The following TTC23 variants were observed in gnomAD, a reference collection of about 807,000 sequenced individuals.
TTC23 encodes tetratricopeptide repeat protein 23.
Under a neutral mutation model 55.1 loss-of-function variants are expected in TTC23, and 58 were observed. The ratio of observed to expected loss-of-function variants is 1.05; its 90% CI spans 0.85 to 1.31. The LOEUF (loss-of-function observed/expected upper bound fraction) is 1.31, where lower values mean the gene tolerates loss of function less well. Ranked by LOEUF, TTC23 falls within the 50% of genes most tolerant of loss-of-function variation. The pLI is 0.00. For synonymous variants in TTC23, 203 were observed against 199.9 expected, an observed-to-expected ratio of 1.02 and a Z score of -0.13; for missense variants, 516 against 534.4, an observed-to-expected ratio of 0.97 and a Z score of 0.34.
At chr15:99,185,975 G>A (rs1340156373) in intron 9 of TTC23, among the ~76,000 whole-genome samples, 3 of 152,186 alleles carry the variant, frequency 2.0e-5, no homozygotes, top group South Asian at 2.1e-4. Context: ...AAGGAATGAA[G>A]GGTGAAAAAC....
At chr15:99,237,185 T>C (rs559473772) in intron 3 of TTC23, among the ~76,000 whole-genome samples, 2 of 152,216 alleles carry the variant, frequency 1.3e-5, no homozygotes, top group African/African-American at 4.8e-5. Flanking sequence ...TTTCACCATG[T>C]TGGCCAGGCT....
At chr15:99,200,557 T>TGA (rs1006341822) in intron 8 of TTC23, among the ~76,000 whole-genome samples, 5 of 152,228 alleles carry the variant, frequency 3.3e-5, no homozygotes, top group African/African-American at 1.2e-4. Flanking sequence ...ACTGATCTGT[T>TGA]GAGAAATTTT....
chr15:99,161,405 A>G (rs1041523922), intron 11 of TTC23, among the ~76,000 whole-genome samples: 3 of 152,320 alleles, frequency 2.0e-5, no homozygotes, highest in African/African-American at 7.2e-5. Context: ...TCCATTCATT[A>G]CCCAAACTGA....
At chr15:99,242,878 C>A (rs1158631516) in intron 2 of TTC23, among the ~76,000 whole-genome samples, 1 of 152,124 alleles carries the variant, frequency 6.6e-6, no homozygotes, top group Non-Finnish European at 1.5e-5. Context: ...AAATATAAGA[C>A]CTGAAACTAT....
intron 11 of TTC23, chr15:99,158,722 C>T (rs2070950148): frequency 6.6e-6 from 1 of 152,354 alleles, no homozygotes; most frequent in Non-Finnish European, 1.5e-5. Flanking sequence ...TTTCATCCCT[C>T]AAATATCATG....
intron 8 of TTC23, among the ~76,000 whole-genome samples, chr15:99,209,619 T>G (rs2076881157): frequency 6.6e-6 from 1 of 152,186 alleles, no homozygotes; most frequent in Admixed American, 6.5e-5. Flanking sequence ...ATACTAACAG[T>G]ATCCACTACA....
intron 9 of TTC23, among the ~76,000 whole-genome samples, chr15:99,177,333 T>C (rs2073678150): frequency 6.6e-6 from 1 of 152,244 alleles, no homozygotes; most frequent in Non-Finnish European, 1.5e-5. Flanking sequence ...GAATTGAATA[T>C]GTGATTTTGG....
intron 10 of TTC23, among the ~76,000 whole-genome samples, chr15:99,166,463 T>G (rs1472065324): frequency 6.6e-6 from 1 of 152,092 alleles, no homozygotes; most frequent in Non-Finnish European, 1.5e-5. Flanking sequence ...CGCCCAGTCA[T>G]ATTTTCCAAA....
rs942136110 is a variant in TTC23, at chr15:99,138,903, C to A, written c.1226+414G>T. Among the ~76,000 whole-genome samples, 3 of 152,306 alleles carry A rather than the reference C, an allele frequency of 2.0e-5. No individual in the cohort carries two copies. In the East Asian group the frequency reaches 5.8e-4, roughly 29 times the overall value. On this transcript the variant is annotated intron_variant, in intron 13 of 13. Transcript: ENST00000394132. ...CACGGCAGAGCGCTGGGCCTCTGCT[C>A]GGGCTGAGAAAGGACGTAGGGGCCA...
At chr15:99,244,703 C>T (rs772867027) in intron 2 of TTC23, among the ~76,000 whole-genome samples, 9 of 151,980 alleles carry the variant, frequency 5.9e-5, no homozygotes, top group Non-Finnish European at 1.2e-4. Context: ...TAGAATACTC[C>T]TCAAATTGAT....
At chr15:99,187,452 C>CAAAAAAAAAAAAAAAAGAA (rs66568931) in intron 9 of TTC23, among the ~76,000 whole-genome samples, 11 of 44,488 alleles carry the variant, frequency 2.5e-4, no homozygotes, top group Non-Finnish European at 4.0e-4. Flanking sequence ...AAAGCACAAG[C>CAAAAAAAAAAAAAAAAGAA]AAAAAAAAAA....
At chr15:99,152,933 G>A (rs2070023142) in intron 12 of TTC23, among the ~76,000 whole-genome samples, 1 of 152,008 alleles carries the variant, frequency 6.6e-6, no homozygotes, top group African/African-American at 2.4e-5. Context: ...GAGTAGCTGG[G>A]ATTACAGGCG....
At chr15:99,240,632 C>A (rs1240695584) in intron 3 of TTC23, among the ~76,000 whole-genome samples, 1 of 152,192 alleles carries the variant, frequency 6.6e-6, no homozygotes, top group African/African-American at 2.4e-5. Flanking sequence ...GACATGAAGG[C>A]AGCAAAGTCG....
chr15:99,156,201 C>A lies in TTC23; in HGVS notation c.1090G>T (p.Gly364Ter). The change falls in exon 12 of 14, where the codon GGA becomes TGA. Residue 364 changes from glycine to a stop codon, truncating the protein, a stop_gained. Coordinates refer to ENST00000394132, the MANE Select transcript of TTC23 (RefSeq NM_001288615.3). LOFTEE classifies it high-confidence loss of function. ...EVAETYRLLGGADLAQGNHSG... is the reference protein window; with the variant it reads ...EVAETYRLLG ...TGGTTCCCCTGCGCCAGGTCTGCTC[C>A]TCCCAGGAGCCGGTATGTCTCTGCC... is the stretch of plus-strand genomic sequence containing the variant. 3 of 1,614,234 alleles carry A rather than the reference C, an allele frequency of 1.9e-6. No individual in the cohort carries two copies. The highest frequency in any genetic ancestry group is 2.5e-6 in the Non-Finnish European group (3 of 1,180,040).
At chr15:99,156,388 T>C (rs1225710670) in intron 11 of TTC23, 91 bp from the exon 12 acceptor site, 6 of 1,479,224 alleles carry the variant, frequency 4.1e-6, no homozygotes, top group East Asian at 4.5e-5. Flanking sequence ...ATGGGTGTGG[T>C]AGTCTCACGA....
chr15:99,222,997 A>AAAAC (rs906054507), intron 5 of TTC23, among the ~76,000 whole-genome samples: 48 of 152,316 alleles, frequency 3.2e-4, no homozygotes, highest in African/African-American at 9.1e-4. Context: ...ACTCCGTCTC[A>AAAAC]AAACAAACAA....
intron 4 of TTC23, 93 bp from the exon 5 acceptor site, chr15:99,228,825 T>A: frequency 9.6e-6 from 10 of 1,044,012 alleles, no homozygotes; most frequent in Non-Finnish European, 1.3e-5. Flanking sequence ...ATAATTTCTT[T>A]GAAATTAGTA....
chr15:99,249,342 T>G lies in TTC23; in HGVS notation c.-602A>C, dbSNP rs1041984397. On this transcript the variant is annotated 5_prime_UTR_variant, in exon 1 of 14. Transcript: ENST00000394132. ...TAAAACTTGTAAAAAACCGGAAAAGTTTCTGTAACTCTCCAATCTCCAACT... is the reference window on the plus strand; with the variant it reads ...TAAAACTTGTAAAAAACCGGAAAAGGTTCTGTAACTCTCCAATCTCCAACT... 2 of 152,180 alleles carry G rather than the reference T, an allele frequency of 1.3e-5. No homozygotes were observed. The highest frequency in any genetic ancestry group is 2.9e-5 in the Non-Finnish European group (2 of 68,030). 9.4% of individuals were successfully genotyped at this position (152,180 alleles called of 1,614,324 possible).
intron 4 of TTC23, among the ~76,000 whole-genome samples, chr15:99,230,925 C>T (rs2078882715): frequency 6.6e-6 from 1 of 152,198 alleles, no homozygotes; most frequent in African/African-American, 2.4e-5. Context: ...ATGGTACGTA[C>T]ATGGGCAAAT....
Sources: gnomAD v4.1 joint callset for allele counts (sites outside exome capture counted in the v4.1 genomes callset) on GRCh38, gnomAD v4.1.1 for gene constraint, MANE v1.5 for transcripts, NCBI Gene and HGNC (gene_info 2026-07-23, HGNC 2026-07-21) for gene names.